The following ERBB4 variants were observed in gnomAD, a reference collection of about 807,000 sequenced individuals.
ERBB4 encodes erb-b2 receptor tyrosine kinase 4, also known as receptor tyrosine-protein kinase erbB-4.
Under a neutral mutation model 158.0 loss-of-function variants are expected in ERBB4, and 42 were observed. The observed-to-expected ratio is 0.27, with a 90% CI of 0.21 to 0.34. ERBB4 has a LOEUF of 0.34. Among genes scored for constraint, ERBB4 ranks in the 10% least tolerant of loss-of-function variants. The probability of loss-of-function intolerance (pLI) is 1.00; values close to 1 mark genes in which losing one functional copy is unlikely to be tolerated. For missense variants in ERBB4, 1,333 were observed against 1,624.1 expected (o/e 0.82, Z 3.08); for synonymous variants, 583 against 558.7 (o/e 1.04, Z -0.61).
intron 15 of ERBB4, among the ~76,000 whole-genome samples, chr2:211,659,688 C>A (rs1178335028): frequency 6.6e-6 from 1 of 151,848 alleles, no homozygotes; most frequent in South Asian, 2.1e-4. Flanking sequence ...ATGAAAGATA[C>A]TCATTCATTA....
chr2:212,518,518 A>G (rs950812680), intron 1 of ERBB4, among the ~76,000 whole-genome samples: 5 of 152,062 alleles, frequency 3.3e-5, no homozygotes, highest in Non-Finnish European at 1.5e-5. Flanking sequence ...ATAGCATAGC[A>G]AAAGGTACTA....
intron 2 of ERBB4, among the ~76,000 whole-genome samples, chr2:212,013,645 G>T (rs2076443139): frequency 6.6e-6 from 1 of 152,192 alleles, no homozygotes; most frequent in Admixed American, 6.5e-5. Flanking sequence ...CAGAAGAAGA[G>T]ATAGAGATTG....
intron 3 of ERBB4, among the ~76,000 whole-genome samples, chr2:211,854,283 T>C (rs1212854944): frequency 6.6e-6 from 1 of 150,652 alleles, no homozygotes; most frequent in South Asian, 2.1e-4. Context: ...TTAATTCTCA[T>C]ATTATCATAT....
chr2:212,009,724 T>C (rs1045248876), intron 2 of ERBB4, among the ~76,000 whole-genome samples: 6 of 152,184 alleles, frequency 3.9e-5, no homozygotes, highest in Non-Finnish European at 7.3e-5. Flanking sequence ...GAGCTAATCA[T>C]TCCTCCCAAT....
At chr2:212,357,726 G>C (rs962045180) in intron 1 of ERBB4, among the ~76,000 whole-genome samples, 1 of 151,900 alleles carries the variant, frequency 6.6e-6, no homozygotes, top group South Asian at 2.1e-4. Flanking sequence ...AAGACATAGT[G>C]TGCTGCCCTC....
At chr2:211,521,152 A>G (rs984529447) in intron 20 of ERBB4, among the ~76,000 whole-genome samples, 25 of 152,294 alleles carry the variant, frequency 1.6e-4, no homozygotes, top group African/African-American at 6.0e-4. Context: ...TGAGGAAGGC[A>G]TGTTGAAACC....
intron 1 of ERBB4, among the ~76,000 whole-genome samples, chr2:212,297,273 G>A (rs1191914666): frequency 1.3e-5 from 2 of 151,964 alleles, no homozygotes; most frequent in Non-Finnish European, 2.9e-5. Context: ...TAAAATTAAT[G>A]TGTGTGTATG....
intron 1 of ERBB4, among the ~76,000 whole-genome samples, chr2:212,252,215 C>T (rs1181673315): frequency 2.0e-5 from 3 of 151,866 alleles, no homozygotes; most frequent in East Asian, 3.9e-4. Flanking sequence ...TAAATCACGA[C>T]GATGGATATG....
At chr2:211,920,233 T>G (rs961821166) in intron 3 of ERBB4, among the ~76,000 whole-genome samples, 48 of 152,130 alleles carry the variant, frequency 3.2e-4, no homozygotes, top group African/African-American at 1.1e-3. Context: ...TTTGGCTTAT[T>G]GTGCGTCTGA....
Position 212,358,771 on chromosome 2 carries a change from A to G in ERBB4, c.82+179678T>C, listed in dbSNP as rs180963356. Among the ~76,000 whole-genome samples the G allele has an allele frequency of 2.3e-3, 352 of 151,926 alleles. 3 individuals carry two copies. The highest frequency in any genetic ancestry group is 0.02 in the Admixed American group (298 of 15,172). The stretch of plus-strand genomic sequence containing the variant: ...AGAGTGAATTAAAGAAAAGAGGTAT[A>G]GAAATTCTCATGCTTTAATAATTTC... On this transcript the variant is annotated intron_variant, in intron 1 of 27. Transcript: ENST00000342788.
At chr2:211,485,483 A>C (rs2065180275) in intron 20 of ERBB4, among the ~76,000 whole-genome samples, 1 of 152,024 alleles carries the variant, frequency 6.6e-6, no homozygotes, top group South Asian at 2.1e-4. Context: ...GGCCCAGCTC[A>C]AGTTCTGTCT....
chr2:212,286,609 T>TTTTG (rs2085983027), intron 1 of ERBB4, among the ~76,000 whole-genome samples: 2 of 60,798 alleles, frequency 3.3e-5, no homozygotes, highest in African/African-American at 7.3e-5. Flanking sequence ...TTTTTTTTTT[T>TTTTG]TTTTTTTTTT....
At chr2:212,533,838 A>G (rs545576216) in intron 1 of ERBB4, among the ~76,000 whole-genome samples, 1 of 152,346 alleles carries the variant, frequency 6.6e-6, no homozygotes, top group South Asian at 2.1e-4. Context: ...CAGGATACTC[A>G]GTAGATCACT....
intron 3 of ERBB4, among the ~76,000 whole-genome samples, chr2:211,886,946 T>C (rs368233113): frequency 1.3e-5 from 2 of 152,220 alleles, no homozygotes; most frequent in African/African-American, 4.8e-5. Flanking sequence ...TCTTCACTTG[T>C]TCCTTATCAT....
At chr2:212,458,790 AG>A (rs1319219508) in intron 1 of ERBB4, among the ~76,000 whole-genome samples, 2 of 152,164 alleles carry the variant, frequency 1.3e-5, no homozygotes. Flanking sequence ...TGAACAGATG[AG>A]GAAAATGTTT....
intron 1 of ERBB4, among the ~76,000 whole-genome samples, chr2:212,451,778 C>G (rs907398922): frequency 1.3e-5 from 2 of 152,122 alleles, no homozygotes; most frequent in African/African-American, 4.8e-5. Context: ...CGAACATCAA[C>G]CATGTAGTAA....
rs560206649 is a variant in ERBB4 at position 212,108,110 on chromosome 2, T to C, written c.234+16642A>G. Among the ~76,000 whole-genome samples, 6 of 152,340 alleles carry C rather than the reference T, an allele frequency of 3.9e-5. No individual in the cohort carries two copies. In the South Asian group the frequency reaches 1.2e-3, roughly 32 times the overall value. ...ATTAAAGAGTTTAAAACCTAGGTTT[T>C]CTATTTTTCCATTAATTATTTGAGA... is the stretch of plus-strand genomic sequence containing the variant. On this transcript the variant is annotated intron_variant, in intron 2 of 27. Transcript: ENST00000342788.
At chr2:212,508,194 A>G (rs900147879) in intron 1 of ERBB4, among the ~76,000 whole-genome samples, 4 of 152,212 alleles carry the variant, frequency 2.6e-5, no homozygotes, top group African/African-American at 7.2e-5. Flanking sequence ...CACTTTACAG[A>G]TAACAGTATA....
At chr2:211,585,445 T>C (rs952901713) in intron 19 of ERBB4, among the ~76,000 whole-genome samples, 5 of 152,054 alleles carry the variant, frequency 3.3e-5, no homozygotes, top group African/African-American at 4.8e-5. Context: ...CTTTTGTAAA[T>C]TGATTACCAA....
Sources: allele counts gnomAD v4.1 joint callset (sites outside exome capture counted in the v4.1 genomes callset), GRCh38; gene constraint gnomAD v4.1.1; transcripts MANE v1.5; gene names NCBI Gene and HGNC (gene_info 2026-07-23, HGNC 2026-07-21).